Variants in SYVN1 observed in about 807,000 individuals in gnomAD.
The protein encoded by SYVN1 is synoviolin 1, also known as E3 ubiquitin-protein ligase synoviolin.
SYVN1 carries 17 observed loss-of-function variants against 62.6 expected under a neutral mutation model. The ratio of observed to expected loss-of-function variants is 0.27; its 90% CI spans 0.19 to 0.41. SYVN1 has a LOEUF of 0.41. SYVN1 is among the 10% of genes least tolerant of loss of function. SYVN1 has a pLI of 1.00. For synonymous variants in SYVN1, 316 were observed against 304.0 expected (o/e 1.04, Z -0.41); for missense variants, 634 against 818.0 (o/e 0.78, Z 2.74).
In SYVN1 at chr11:65,127,279, T is replaced by C. The variant is rs1948113122; in HGVS notation, c.*1103A>G. On this transcript the variant is annotated 3_prime_UTR_variant, in exon 16 of 16. Transcript: ENST00000377190. ...GATTCTGTGACACAAACCCCACCAA[T>C]TGTTAATGCAAGTTTTTATTTGGCT... 8.7e-6 allele frequency: 4 copies of C among 461,818 alleles called. No individual in the cohort carries two copies. Among genetic ancestry groups the C allele is most frequent in the African/African-American group, 2.0e-5 (1 of 49,860 alleles). 28.6% of individuals were successfully genotyped at this position (461,818 alleles called of 1,614,324 possible).
chr11:65,128,031 G>A lies in SYVN1; in HGVS notation c.*351C>T, dbSNP rs1260631366. 26 of 409,030 alleles carry A rather than the reference G, an allele frequency of 6.4e-5. No individual in the cohort carries two copies. The highest frequency in any genetic ancestry group is 3.3e-4 in the South Asian group (12 of 36,238). The allele number at this position is 409,030 out of a possible 1,614,324, so 25.3% of individuals were successfully genotyped here. On this transcript the variant is annotated 3_prime_UTR_variant, in exon 16 of 16. Coordinates refer to ENST00000377190, the MANE Select transcript of SYVN1 (RefSeq NM_172230.3). ...CTGTTCGGCACTGCAGTGTGACTCC[G>A]CACATACAAGTAGGGCTTGGAGGGG...
Position 65,133,255 on chromosome 11 carries a change from A to G in SYVN1, c.133-3T>C, listed in dbSNP as rs532845804. On this transcript the variant is annotated splice_polypyrimidine_tract_variant and splice_region_variant and intron_variant, in intron 2 of 15. Transcript: ENST00000377190. ...ACAAAGGCCTGGATGTACAGGACCTAGGAGTGGGGAGAGGCTGTGGTTTGA... is the reference window on the plus strand; with the variant it reads ...ACAAAGGCCTGGATGTACAGGACCTGGGAGTGGGGAGAGGCTGTGGTTTGA... The G allele has an allele frequency of 5.6e-6, 9 of 1,614,182 alleles. No homozygotes were observed. In the African/African-American group the frequency reaches 8.0e-5, roughly 14 times the overall value.
In SYVN1 at chr11:65,132,396, G is replaced by A. The variant is rs921571868; in HGVS notation, c.428-45C>T. The A allele has an allele frequency of 1.7e-5, 23 of 1,360,668 alleles. No individual in the cohort carries two copies. The South Asian group carries it at 2.6e-4, about 15-fold the overall frequency. The allele number at this position is 1,360,668 out of a possible 1,614,324, so 84.3% of individuals were successfully genotyped here. A position where few individuals can be genotyped will look rare whatever the true frequency, so the allele number is the denominator to read the frequency against. On this transcript the variant is annotated intron_variant, in intron 5 of 15. Coordinates refer to ENST00000377190, the MANE Select transcript of SYVN1 (RefSeq NM_172230.3). ...TGCAGGGTGGGGGGGTCAGCCCAGG[G>A]CCCAACAGCTGTTTAATGCTCTAGG...
At position 65,127,383 on chromosome 11, in the gene SYVN1, T is replaced by G. The variant is rs1281673012; in HGVS notation, c.*999A>C. 4.1e-6 allele frequency: 1 copy of G among 242,006 alleles called. No individual in the cohort carries two copies. The highest frequency in any genetic ancestry group is 2.3e-5 in the African/African-American group (1 of 44,288). The allele number at this position is 242,006 out of a possible 1,614,324, so 15.0% of individuals were successfully genotyped here. A position where few individuals can be genotyped will look rare whatever the true frequency, so the allele number is the denominator to read the frequency against. On this transcript the variant is annotated 3_prime_UTR_variant, in exon 16 of 16. Transcript: ENST00000377190. ...CATCTGAAACTGTCTCCAACAACTCTTGTAACACAAAACCAAGGGGAAAAG... is the reference window on the plus strand; with the variant it reads ...CATCTGAAACTGTCTCCAACAACTCGTGTAACACAAAACCAAGGGGAAAAG...
At chr11:65,132,152 C>T (rs1304179893) in intron 6 of SYVN1, 96 bp downstream of exon 6, 19 of 980,036 alleles carry the variant, frequency 1.9e-5, no homozygotes, top group Non-Finnish European at 3.0e-5. Flanking sequence ...ACAGGTTGGC[C>T]ACATAGCAGG....
At chr11:65,132,706 C>A in intron 5 of SYVN1, 26 bp downstream of exon 5, 2 of 1,613,752 alleles carry the variant, frequency 1.2e-6, no homozygotes, top group Non-Finnish European at 1.7e-6. Flanking sequence ...CCAGTCCTCC[C>A]TTCCCCTCCC....
chr11:65,128,662 C>G lies in SYVN1; in HGVS notation c.1648G>C (p.Val550Leu). ...VNSTEETATTVVAAASSTSIP... is the reference protein window; with the variant it reads ...VNSTEETATTLVAAASSTSIP... ...CTGGTGGAGGAGGCAGCAGCAACAACTGTAGTGGCAGTCTCCTCAGTGGAG... is the reference window on the plus strand; with the variant it reads ...CTGGTGGAGGAGGCAGCAGCAACAAGTGTAGTGGCAGTCTCCTCAGTGGAG... The change falls in exon 15 of 16, where the codon GTT becomes CTT. Residue 550 changes from valine (V) to leucine (L), a missense_variant. Coordinates refer to ENST00000377190, the MANE Select transcript of SYVN1 (RefSeq NM_172230.3). The G allele has an allele frequency of 6.2e-7, 1 of 1,613,952 alleles. No homozygotes were observed.
Position 65,133,264 on chromosome 11 carries a change from G to A in SYVN1, c.133-12C>T, listed in dbSNP as rs767981928. 6.2e-7 allele frequency: 1 copy of A among 1,613,972 alleles called. No homozygotes were observed. The highest frequency in any genetic ancestry group is 8.5e-7 in the Non-Finnish European group (1 of 1,179,840). On this transcript the variant is annotated splice_polypyrimidine_tract_variant and intron_variant, in intron 2 of 15. Transcript: ENST00000377190. ...TGGATGTACAGGACCTAGGAGTGGG[G>A]AGAGGCTGTGGTTTGAGGTCACTTT...
At position 65,133,048 on chromosome 11, in the gene SYVN1, G is replaced by A. The variant is rs768971803; in HGVS notation, c.252C>T (p.Ala84=). Residue 84 remains alanine, a synonymous_variant, in exon 4 of 16, where the codon GCC becomes GCT. Coordinates refer to ENST00000377190, the MANE Select transcript of SYVN1 (RefSeq NM_172230.3). ...MEHLLERSWY[A]VTETCLAFTV... is the part of the protein sequence containing the mutation. Reference sequence around the variant, plus strand: ...TGAAGGCCAGACAAGTCTCTGTGACGGCGTACCAGGAACGTTCCAGAAGGT... The same window carrying A: ...TGAAGGCCAGACAAGTCTCTGTGACAGCGTACCAGGAACGTTCCAGAAGGT... 5 of 1,614,232 alleles carry A rather than the reference G, an allele frequency of 3.1e-6. No individual in the cohort carries two copies. Among genetic ancestry groups the A allele is most frequent in the Admixed American group, 1.7e-5 (1 of 60,022 alleles).
intron 6 of SYVN1, 24 bp from the exon 7 acceptor site, chr11:65,131,620 G>C (rs746963658): frequency 6.2e-7 from 1 of 1,610,800 alleles, no homozygotes; most frequent in Admixed American, 1.7e-5. Flanking sequence ...GGGACGAGGG[G>C]GATGTAAACA....
In SYVN1 at chr11:65,130,805, G is replaced by A. The variant is rs565295576; in HGVS notation, c.960C>T (p.Phe320=). ...IFHTSCLRSW[F]QRQQTCPTCR... ...AGGTGGGGCAGGTCTGCTGCCGCTG[G>A]AACCAGGAGCGCAGGCAGCTGCGGG... The change falls in exon 11 of 16, where the codon TTC becomes TTT. Residue 320 remains phenylalanine (F), a synonymous_variant. Coordinates refer to ENST00000377190, the MANE Select transcript of SYVN1 (RefSeq NM_172230.3). 6.4e-7 allele frequency: 1 copy of A among 1,556,332 alleles called. No individual in the cohort carries two copies. Among genetic ancestry groups the A allele is most frequent in the African/African-American group, 1.4e-5 (1 of 73,092 alleles).
chr11:65,130,575 C>T, intron 11 of SYVN1, 85 bp downstream of exon 11: 3 of 1,464,292 alleles, frequency 2.0e-6, no homozygotes, highest in Non-Finnish European at 2.7e-6. Flanking sequence ...AGGGCAGGGA[C>T]TCTCCAATTT....
At position 65,132,210 on chromosome 11, in the gene SYVN1, C is replaced by A. The variant is rs867320946; in HGVS notation, c.531+38G>T. The A allele has an allele frequency of 2.6e-6, 4 of 1,528,150 alleles. No homozygotes were observed. The Middle Eastern group carries it at 5.1e-4, about 195-fold the overall frequency. The allele number at this position is 1,528,150 out of a possible 1,614,324, so 94.7% of individuals were successfully genotyped here. A position where few individuals can be genotyped will look rare whatever the true frequency, so the allele number is the denominator to read the frequency against. On this transcript the variant is annotated intron_variant, in intron 6 of 15. Coordinates refer to ENST00000377190, the MANE Select transcript of SYVN1 (RefSeq NM_172230.3). ...TTATTCAAGGCACATGTGGGGTCAC[C>A]TCGGGCTTGTCCTCTCAACCTCCCA...
At position 65,128,677 on chromosome 11, in the gene SYVN1, C is replaced by T; in HGVS notation, c.1633G>A (p.Glu545Lys). The change falls in exon 15 of 16, where the codon GAG becomes AAG. Residue 545 changes from glutamate to lysine, a missense_variant. Transcript: ENST00000377190. Reference protein sequence around the residue: ...RPATSVNSTEETATTVVAAAS... With the variant: ...RPATSVNSTEKTATTVVAAAS... Reference sequence around the variant, plus strand: ...GCAGCAACAACTGTAGTGGCAGTCTCCTCAGTGGAGTTGACTGAAGTGGCA... The same window carrying T: ...GCAGCAACAACTGTAGTGGCAGTCTTCTCAGTGGAGTTGACTGAAGTGGCA... 1 of 1,613,582 alleles carries T rather than the reference C, an allele frequency of 6.2e-7. No homozygotes were observed. The highest frequency in any genetic ancestry group is 1.1e-5 in the South Asian group (1 of 91,044).
chr11:65,129,614 T>C (rs1339404254), intron 14 of SYVN1, 115 bp downstream of exon 14: 3 of 1,002,704 alleles, frequency 3.0e-6, no homozygotes, highest in East Asian at 2.5e-5. Flanking sequence ...GGTGGGCCTG[T>C]AGATAGGCAG....
At position 65,130,296 on chromosome 11, in the gene SYVN1, G is replaced by GA; in HGVS notation, c.1188dup (p.Pro397SerfsTer100). On this transcript the variant is annotated frameshift_variant, in exon 12 of 16. Transcript: ENST00000377190. LOFTEE classifies it high-confidence loss of function. ...GCCACAGCCTCTCCTGAGCTGGGGG[G>GA]AGGCGGGACAGGTGGAAAGGGGCCC... 6.3e-7 allele frequency: 1 copy of GA among 1,596,056 alleles called. No individual in the cohort carries two copies. Among genetic ancestry groups the GA allele is most frequent in the Non-Finnish European group, 8.5e-7 (1 of 1,170,742 alleles).
Position 65,130,011 on chromosome 11 carries a change from G to A in SYVN1, c.1399C>T (p.Pro467Ser). The change falls in exon 13 of 16, where the codon CCA becomes TCA. Residue 467 changes from proline to serine, a missense_variant. Pro to Ser is a moderately conservative substitution (Grantham distance 74). Coordinates refer to ENST00000377190, the MANE Select transcript of SYVN1 (RefSeq NM_172230.3). Reference sequence around the variant, plus strand: ...GAGTGGCCCAGCTTACCAAAGGGTGGAGGCAGGGGCATACCCATCCAGGGA... The same window carrying A: ...GAGTGGCCCAGCTTACCAAAGGGTGAAGGCAGGGGCATACCCATCCAGGGA... Reference protein sequence around the residue: ...PPPWMGMPLPPPFAFPPMPVP... With the variant: ...PPPWMGMPLPSPFAFPPMPVP... 1 of 1,595,106 alleles carries A rather than the reference G, an allele frequency of 6.3e-7. No individual in the cohort carries two copies. The highest frequency in any genetic ancestry group is 8.6e-7 in the Non-Finnish European group (1 of 1,167,890).
rs1259846893 is a variant in SYVN1 at position 65,129,929 on chromosome 11, G to A, written c.1409-14C>T. On this transcript the variant is annotated splice_polypyrimidine_tract_variant and intron_variant, in intron 13 of 15. Coordinates refer to ENST00000377190, the MANE Select transcript of SYVN1 (RefSeq NM_172230.3). The stretch of plus-strand genomic sequence containing the variant: ...TTGGGGGGAAGGCTGGAGAGAGAGA[G>A]GCTCAGTCTGGGCTGCTGGGGCCAG... 3 of 1,611,814 alleles carry A rather than the reference G, an allele frequency of 1.9e-6. No individual in the cohort carries two copies. The highest frequency in any genetic ancestry group is 1.7e-6 in the Non-Finnish European group (2 of 1,178,470).
Position 65,130,110 on chromosome 11 carries a change from A to C in SYVN1, c.1300T>G (p.Ser434Ala), listed in dbSNP as rs1565344860. The change falls in exon 13 of 16, where the codon TCT becomes GCT. Residue 434 changes from serine to alanine, a missense_variant. Coordinates refer to ENST00000377190, the MANE Select transcript of SYVN1 (RefSeq NM_172230.3). ...GAGCCTGGGCCAGATGCTGTGGCAG[A>C]AGCAGCAGTAGCACTGGTGCCAGCA... ...TAAGTSATAA[S>A]ATASGPGSGS... 1.2e-6 allele frequency: 2 copies of C among 1,611,612 alleles called. No homozygotes were observed. The highest frequency in any genetic ancestry group is 1.7e-6 in the Non-Finnish European group (2 of 1,178,684).
Sources: gnomAD v4.1 joint callset for allele counts on GRCh38, gnomAD v4.1.1 for gene constraint, MANE v1.5 for transcripts, NCBI Gene and HGNC (gene_info 2026-07-23, HGNC 2026-07-21) for gene names.